DRC10: variants seen among roughly 807,000 people sequenced by gnomAD.
DRC10 encodes dynein regulatory complex subunit 10, also known as IQ domain-containing protein D.
chr12:113,195,760 T>G, the DRC10 span: 1 of 1,613,974 alleles, frequency 6.2e-7, no homozygotes, highest in Non-Finnish European at 8.5e-7. Context: ...TCCATCCTTT[T>G]CTTGGAGTTG....
At chr12:113,203,847 C>T in the DRC10 span, among the ~76,000 whole-genome samples, 1 of 134,104 alleles carries the variant, frequency 7.5e-6, no homozygotes, top group African/African-American at 2.9e-5. Flanking sequence ...GTCTTGAACT[C>T]TTGACCTCAA....
chr12:113,202,658 C>T, the DRC10 span, among the ~76,000 whole-genome samples: 1 of 152,214 alleles, frequency 6.6e-6, no homozygotes, highest in Non-Finnish European at 1.5e-5. Flanking sequence ...GCCCTCTCCT[C>T]CCCTTTCCTC....
the DRC10 span, among the ~76,000 whole-genome samples, chr12:113,203,696 G>A: frequency 8.6e-5 from 13 of 150,580 alleles, no homozygotes; most frequent in Admixed American, 5.3e-4. Context: ...GGCTGGTCTC[G>A]AACTCCTGAC....
chr12:113,195,853 C>T, the DRC10 span: 12 of 1,613,192 alleles, frequency 7.4e-6, no homozygotes, highest in Non-Finnish European at 1.0e-5. Context: ...GAGATCTTCT[C>T]CTCCCTGTGA....
chr12:113,207,299 G>A, the DRC10 span: 3 of 780,362 alleles, frequency 3.8e-6, no homozygotes, highest in Admixed American at 3.7e-5. Flanking sequence ...AGTGAGTCGA[G>A]ATTACACCAC....
At chr12:113,220,173 A>G in the DRC10 span, among the ~76,000 whole-genome samples, 1 of 152,156 alleles carries the variant, frequency 6.6e-6, no homozygotes. Context: ...CAGTAGGTAC[A>G]ATGAGATCAC....
At chr12:113,195,661 A>T in the DRC10 span, 1 of 1,612,934 alleles carries the variant, frequency 6.2e-7, no homozygotes, top group Non-Finnish European at 8.5e-7. Context: ...TTCTTCTTGG[A>T]TCTGAGCAGG....
At chr12:113,196,622 T>A in the DRC10 span, among the ~76,000 whole-genome samples, 11 of 152,318 alleles carry the variant, frequency 7.2e-5, no homozygotes, top group South Asian at 1.4e-3. Flanking sequence ...CCCTGATGGT[T>A]GCCCAGGACA....
the DRC10 span, chr12:113,200,883 A>G: frequency 0.068 from 82,109 of 1,204,398 alleles, 3,243 homozygotes; most frequent in East Asian, 0.074. Flanking sequence ...TCACGCCTGT[A>G]ATCCCAACAC....
chr12:113,218,114 A>G, the DRC10 span, among the ~76,000 whole-genome samples: 1 of 150,660 alleles, frequency 6.6e-6, no homozygotes, highest in Non-Finnish European at 1.5e-5. Flanking sequence ...ACATCAATAG[A>G]GCTGAGGTTG....
chr12:113,208,153 A>T, the DRC10 span: 1 of 1,613,168 alleles, frequency 6.2e-7, no homozygotes, highest in Non-Finnish European at 8.5e-7. Flanking sequence ...CATGGCGAGA[A>T]TGTCTAAAGC....
At chr12:113,206,586 G>C in the DRC10 span, among the ~76,000 whole-genome samples, 10 of 152,136 alleles carry the variant, frequency 6.6e-5, no homozygotes, top group African/African-American at 2.4e-4. Context: ...CTGCTAGCAA[G>C]CAGCACCCTT....
chr12:113,196,919 G>A, the DRC10 span, among the ~76,000 whole-genome samples: 2 of 152,254 alleles, frequency 1.3e-5, no homozygotes, highest in African/African-American at 4.8e-5. Flanking sequence ...GGGAATTACT[G>A]CCTTTGCTAA....
At chr12:113,219,275 A>G in the DRC10 span, among the ~76,000 whole-genome samples, 1 of 152,110 alleles carries the variant, frequency 6.6e-6, no homozygotes, top group Non-Finnish European at 1.5e-5. Context: ...ACCTCAGGTG[A>G]TCCACCTGCC....
chr12:113,197,782 C>T, the DRC10 span, among the ~76,000 whole-genome samples: 1 of 152,184 alleles, frequency 6.6e-6, no homozygotes, highest in Non-Finnish European at 1.5e-5. Flanking sequence ...CTCAGACATG[C>T]TATCTTACTT....
chr12:113,200,579 C>T, the DRC10 span: 2 of 1,534,162 alleles, frequency 1.3e-6, no homozygotes, highest in South Asian at 1.2e-5. Context: ...TCCCGGGGCA[C>T]CTTCCTCAGC....
chr12:113,217,744 C>T, the DRC10 span, among the ~76,000 whole-genome samples: 12 of 152,228 alleles, frequency 7.9e-5, no homozygotes, highest in African/African-American at 2.4e-4. Context: ...GTTGCCCAGG[C>T]TGGTCTTGAA....
At chr12:113,195,697 GGGCCT>G in the DRC10 span, 5 of 1,613,530 alleles carry the variant, frequency 3.1e-6, no homozygotes, top group Non-Finnish European at 4.2e-6. Flanking sequence ...CCCTTCCATA[GGGCCT>G]GGATGAGCGT....
the DRC10 span, among the ~76,000 whole-genome samples, chr12:113,196,268 A>T: frequency 6.6e-6 from 1 of 152,230 alleles, no homozygotes; most frequent in Non-Finnish European, 1.5e-5. Flanking sequence ...GACCCGATGG[A>T]CACAATGTAC....
Sources: gnomAD v4.1 joint callset for allele counts (sites outside exome capture counted in the v4.1 genomes callset) on GRCh38, gnomAD v4.1.1 for gene constraint, MANE v1.5 for transcripts, NCBI Gene and HGNC (gene_info 2026-07-23, HGNC 2026-07-21) for gene names.